The following RIPOR1 variants were observed in gnomAD, a reference collection of about 807,000 sequenced individuals.
The protein encoded by RIPOR1 is RHO family interacting cell polarization regulator 1, also known as rho family-interacting cell polarization regulator 1.
In RIPOR1, 58 loss-of-function variants were observed where a neutral mutation model predicts 116.5. The observed-to-expected ratio is 0.50, with a 90% CI of 0.40 to 0.62. RIPOR1 has a LOEUF of 0.62. Among genes scored for constraint, RIPOR1 ranks in the 20% least tolerant of loss-of-function variants. The pLI, the probability that RIPOR1 is intolerant of heterozygous loss-of-function variation, is 0.00. For synonymous variants in RIPOR1, 605 were observed against 650.0 expected (o/e 0.93, Z 1.05); for missense variants, 1,372 against 1,586.2 (o/e 0.86, Z 2.29).
rs2050980553 is a variant in RIPOR1, at chr16:67,541,472, A to G, written c.844A>G (p.Ser282Gly). Reference protein sequence around the residue: ...KGLANHVVVGSVSCETKDLFA... With the variant: ...KGLANHVVVGGVSCETKDLFA... ...CCTGGCCAACCATGTGGTTGTGGGC[A>G]GTGTCTCCTGTGAGACCAAGGACCT... The change falls in exon 11 of 22, where the codon AGT becomes GGT. Residue 282 changes from serine to glycine, a missense_variant. By Grantham distance (56) the Ser-to-Gly change is moderately conservative. Coordinates refer to ENST00000042381, the MANE Select transcript of RIPOR1 (RefSeq NM_024519.4). This position sits in a 1 kb window ranked among gnomAD's most constrained non-coding sequence, Gnocchi z 4.6. 6.2e-7 allele frequency: 1 copy of G among 1,613,986 alleles called. No individual in the cohort carries two copies. Among genetic ancestry groups the G allele is most frequent in the African/African-American group, 1.3e-5 (1 of 74,906 alleles).
intron 3 of RIPOR1, 76 bp downstream of exon 3, chr16:67,538,900 C>T: frequency 6.2e-7 from 1 of 1,609,598 alleles, no homozygotes; most frequent in Non-Finnish European, 8.5e-7. Context: ...GGAACCTTCT[C>T]CAGCCCCATG....
chr16:67,521,412 T>C (rs2050493963), intron 1 of RIPOR1, among the ~76,000 whole-genome samples: 1 of 152,162 alleles, frequency 6.6e-6, no homozygotes, highest in Non-Finnish European at 1.5e-5. Context: ...TCAGAGCAGT[T>C]CACCTAGCGT....
upstream of RIPOR1, chr16:67,528,785 G>T (rs896212314): frequency 1.3e-5 from 2 of 152,218 alleles, no homozygotes; most frequent in African/African-American, 4.9e-5. Context: ...GCCAGGGGAG[G>T]GGCGGCGGGG....
upstream of RIPOR1, among the ~76,000 whole-genome samples, chr16:67,526,611 G>A (rs985386201): frequency 2.6e-5 from 4 of 152,236 alleles, no homozygotes; most frequent in Admixed American, 1.3e-4. Context: ...CTCCCACTAT[G>A]AGCCAGGCAC....
rs953301475 is a variant in RIPOR1, at chr16:67,544,885, C to T, written c.2869+55C>T. 5.0e-5 allele frequency: 80 copies of T among 1,598,570 alleles called. No homozygotes were observed. The Admixed American group carries it at 1.3e-3, about 26-fold the overall frequency. On this transcript the variant is annotated intron_variant, in intron 16 of 21. Coordinates refer to ENST00000042381, the MANE Select transcript of RIPOR1 (RefSeq NM_024519.4). The surrounding 1 kb of genome is among the most constrained non-coding windows in gnomAD (Gnocchi z 5.1). ...ATCTGCCTTGAAGCTCCTACCTCAG[C>T]CTACTGCCATCTGCATGCTCTCTAC...
upstream of RIPOR1, among the ~76,000 whole-genome samples, chr16:67,525,903 C>G (rs1275745901): frequency 6.6e-6 from 1 of 152,124 alleles, no homozygotes; most frequent in Non-Finnish European, 1.5e-5. Flanking sequence ...CTTCCCTGAG[C>G]TTCAGGTGTC....
chr16:67,538,296 C>T, intron 1 of RIPOR1, 128 bp from the exon 2 acceptor site: 1 of 1,319,868 alleles, frequency 7.6e-7, no homozygotes, highest in Non-Finnish European at 1.0e-6. Flanking sequence ...CTAGGCGGAC[C>T]CGGCCGGAGC....
rs557085966 is a variant in RIPOR1 at position 67,544,976 on chromosome 16, C to A, written c.2890C>A (p.Arg964=). ...CACAGTGGTGCAGTTCTCGGCCTCT[C>A]GGCCTGGCTTCCTGACCTTCTGGGA... ...AQEVVQFSAS[R]PGFLTFWDQC... The change falls in exon 17 of 22, where the codon CGG becomes AGG. Residue 964 remains arginine (R), a synonymous_variant. Transcript: ENST00000042381. The surrounding 1 kb of genome is among the most constrained non-coding windows in gnomAD (Gnocchi z 5.1). 7.4e-6 allele frequency: 12 copies of A among 1,612,940 alleles called. No individual in the cohort carries two copies. The South Asian group carries it at 1.2e-4, about 16-fold the overall frequency.
At position 67,546,017 on chromosome 16, in the gene RIPOR1, C is replaced by T. The variant is rs200824808; in HGVS notation, c.3456C>T (p.Ala1152=). Reference sequence around the variant, plus strand: ...AGACTCGAGTGGCTGGCTGCCTGGCCCTAGGCTGCATCAAGGTGACCCCTG... The same window carrying T: ...AGACTCGAGTGGCTGGCTGCCTGGCTCTAGGCTGCATCAAGGTGACCCCTG... ...DVQTRVAGCL[A]LGCIKAPEGI... is the part of the protein sequence containing the mutation. Residue 1152 remains alanine, a synonymous_variant, in exon 20 of 22, where the codon GCC becomes GCT. Transcript: ENST00000042381. 29 of 1,613,216 alleles carry T rather than the reference C, an allele frequency of 1.8e-5. No homozygotes were observed. Among genetic ancestry groups the T allele is most frequent in the Non-Finnish European group, 8.5e-7 (1 of 1,179,936 alleles).
In RIPOR1 at chr16:67,544,395, G is replaced by C. The variant is rs750599333; in HGVS notation, c.2697G>C (p.Leu899Phe). Residue 899 changes from leucine to phenylalanine, a missense_variant, in exon 15 of 22, where the codon TTG becomes TTC. Leu to Phe is a conservative substitution (Grantham distance 22, BLOSUM62 0). This residue lies in a region of RIPOR1 where 1,005 missense variants were observed against 1,144.7 expected (regional missense o/e 0.88). Transcript: ENST00000042381. The surrounding 1 kb of genome is among the most constrained non-coding windows in gnomAD (Gnocchi z 5.1). Reference protein sequence around the residue: ...STGCPALDAALVRHLYHCSRL... With the variant: ...STGCPALDAAFVRHLYHCSRL... ...GGTGTCCAGCTCTGGATGCTGCCTT[G>C]GTCCGGCACCTGTACCACTGCAGTC... is the stretch of plus-strand genomic sequence containing the variant. 6.2e-7 allele frequency: 1 copy of C among 1,612,770 alleles called. No homozygotes were observed. The highest frequency in any genetic ancestry group is 8.5e-7 in the Non-Finnish European group (1 of 1,179,776).
chr16:67,528,653 C>T (rs1009206525), upstream of RIPOR1: 1 of 152,336 alleles, frequency 6.6e-6, no homozygotes, highest in Non-Finnish European at 1.5e-5. Flanking sequence ...GGTCTGCCCT[C>T]CCTGCAAGCT....
At position 67,540,438 on chromosome 16, in the gene RIPOR1, C is replaced by G; in HGVS notation, c.632-20C>G. ...ACCCCAATATGGCTCACCGACTTCT[C>G]CCCTTCTCCTCCAACTCAGGGCTGG... On this transcript the variant is annotated intron_variant, in intron 8 of 21. Coordinates refer to ENST00000042381, the MANE Select transcript of RIPOR1 (RefSeq NM_024519.4). This position sits in a 1 kb window ranked among gnomAD's most constrained non-coding sequence, Gnocchi z 4.7. The G allele has an allele frequency of 6.2e-7, 1 of 1,614,172 alleles. No homozygotes were observed. The highest frequency in any genetic ancestry group is 8.5e-7 in the Non-Finnish European group (1 of 1,180,018).
chr16:67,522,261 G>A (rs1249701504), intron 1 of RIPOR1, among the ~76,000 whole-genome samples: 1 of 144,266 alleles, frequency 6.9e-6, no homozygotes, highest in Non-Finnish European at 1.5e-5. Flanking sequence ...GGAGTGCAGT[G>A]GCGCGATCTC....
chr16:67,518,451 C>T (rs1209283819), exon 1 of RIPOR1: 2 of 152,366 alleles, frequency 1.3e-5, no homozygotes, highest in South Asian at 2.1e-4. Flanking sequence ...CTGGGACAGC[C>T]CTCACCAGCA....
intron 4 of RIPOR1, 25 bp downstream of exon 4, chr16:67,539,093 C>G (rs1432050043): frequency 6.2e-7 from 1 of 1,600,988 alleles, no homozygotes; most frequent in African/African-American, 1.3e-5. Flanking sequence ...GTACGGATGC[C>G]CTTTGCCTCT....
chr16:67,524,290 AGAGTCCAGGCTGG>A (rs1158432055), upstream of RIPOR1, among the ~76,000 whole-genome samples: 1 of 152,218 alleles, frequency 6.6e-6, no homozygotes, highest in African/African-American at 2.4e-5. Flanking sequence ...AAAGGAAAGT[AGAGTCCAGGCTGG>A]GGCTGGAGGG....
chr16:67,527,018 A>G (rs1265425659), upstream of RIPOR1, among the ~76,000 whole-genome samples: 2 of 152,182 alleles, frequency 1.3e-5, no homozygotes, highest in Admixed American at 1.3e-4. Context: ...GAAGTTTGGG[A>G]TGGTCAGCAG....
chr16:67,540,249 G>T lies in RIPOR1; in HGVS notation c.567+44G>T, dbSNP rs1416028616. 1 of 1,613,756 alleles carries T rather than the reference G, an allele frequency of 6.2e-7. No homozygotes were observed. Among genetic ancestry groups the T allele is most frequent in the South Asian group, 1.1e-5 (1 of 91,076 alleles). On this transcript the variant is annotated intron_variant, in intron 7 of 21. Transcript: ENST00000042381. The surrounding 1 kb of genome is among the most constrained non-coding windows in gnomAD (Gnocchi z 4.7). ...TGAGGCAGAGGCACAGGGTGTGGCAGGGCTAGTGGCTGGCCCTTGACCCCC... is the reference window on the plus strand; with the variant it reads ...TGAGGCAGAGGCACAGGGTGTGGCATGGCTAGTGGCTGGCCCTTGACCCCC...
Position 67,529,363 on chromosome 16 carries a change from C to G in RIPOR1, c.-24+449C>G, listed in dbSNP as rs1047695174. On this transcript the variant is annotated intron_variant, in intron 1 of 21. Transcript: ENST00000042381. This position sits in a 1 kb window ranked among gnomAD's most constrained non-coding sequence, Gnocchi z 4.1. ...CTAGGAGCTGAGCTAATCCTCCTAG[C>G]TCTAGGGGCCGGCCTAAGCGGCTTT... 11 of 168,124 alleles carry G rather than the reference C, an allele frequency of 6.5e-5. No individual in the cohort carries two copies. Among genetic ancestry groups the G allele is most frequent in the African/African-American group, 2.4e-4 (10 of 41,882 alleles). 10.4% of individuals were successfully genotyped at this position (168,124 alleles called of 1,614,324 possible). A position where few individuals can be genotyped will look rare whatever the true frequency, so the allele number is the denominator to read the frequency against.
Sources: allele counts gnomAD v4.1 joint callset (sites outside exome capture counted in the v4.1 genomes callset), GRCh38; gene constraint gnomAD v4.1.1; regional missense constraint gnomAD v4.1.1; non-coding constraint Gnocchi (gnomAD v3.1); transcripts MANE v1.5; gene names NCBI Gene and HGNC (gene_info 2026-07-23, HGNC 2026-07-21).